Variants in DAB1 observed in about 807,000 individuals in gnomAD.
DAB1 encodes the protein DAB adaptor protein 1.
DAB1 carries 15 observed loss-of-function variants against 64.6 expected under a neutral mutation model. The ratio of observed to expected loss-of-function variants is 0.23; its 90% confidence interval spans 0.16 to 0.36. The LOEUF (loss-of-function observed/expected upper bound fraction) is 0.36, where lower values mean the gene tolerates loss of function less well. Among genes scored for constraint, DAB1 ranks in the 10% least tolerant of loss-of-function variants. The probability of loss-of-function intolerance (pLI) is 1.00; values close to 1 mark genes in which losing one functional copy is unlikely to be tolerated. For missense variants in DAB1, 596 were observed against 706.7 expected (o/e 0.84, Z 1.78); for synonymous variants, 235 against 251.9 (o/e 0.93, Z 0.64).
chr1:58,127,251 T>C (rs1159975122), intron 5 of DAB1, among the ~76,000 whole-genome samples: 1 of 152,248 alleles, frequency 6.6e-6, no homozygotes, highest in African/African-American at 2.4e-5. Context: ...GCTGCATAAA[T>C]GTCTTCTTTT....
intron 3 of DAB1, among the ~76,000 whole-genome samples, chr1:58,428,807 T>C (rs1217912703): frequency 6.6e-6 from 1 of 152,340 alleles, no homozygotes; most frequent in East Asian, 1.9e-4. Flanking sequence ...TTTGAAATTA[T>C]CCATAATTTT....
rs560248228 is a variant in DAB1, at chr1:58,330,288, C to A, written n.309+13064G>T. Among the ~76,000 whole-genome samples the A allele has an allele frequency of 3.3e-5, 5 of 152,340 alleles. No individual in the cohort carries two copies. In the South Asian group the frequency reaches 1.0e-3, roughly 32 times the overall value. On this transcript the variant is annotated intron_variant and non_coding_transcript_variant, in intron 4 of 20. Coordinates refer to the DAB1 transcript ENST00000485760. ...GCAAAGCCCCAACTCTTCCTCAATTCTATGAAGGCTGAAAGAAGTAACGAA... is the reference window on the plus strand; with the variant it reads ...GCAAAGCCCCAACTCTTCCTCAATTATATGAAGGCTGAAAGAAGTAACGAA...
intron 5 of DAB1, among the ~76,000 whole-genome samples, chr1:58,040,682 T>C (rs974499634): frequency 6.6e-6 from 1 of 152,204 alleles, no homozygotes; most frequent in African/African-American, 2.4e-5. Context: ...ATACCACATG[T>C]CTAAATAGAA....
At chr1:58,258,602 T>C (rs1266629593) in intron 4 of DAB1, among the ~76,000 whole-genome samples, 3 of 152,190 alleles carry the variant, frequency 2.0e-5, no homozygotes, top group African/African-American at 7.2e-5. Context: ...GAGAACTCTC[T>C]GCAAAACTGG....
chr1:57,771,724 TATA>T (rs1171895212), intron 6 of DAB1, among the ~76,000 whole-genome samples: 1 of 152,054 alleles, frequency 6.6e-6, no homozygotes, highest in Non-Finnish European at 1.5e-5. Flanking sequence ...CTTCTTTTAT[TATA>T]ATGTTTTCAG....
At chr1:58,142,568 A>C (rs867920411) in intron 5 of DAB1, among the ~76,000 whole-genome samples, 19 of 152,248 alleles carry the variant, frequency 1.2e-4, no homozygotes, top group African/African-American at 4.3e-4. Flanking sequence ...ATACAAAGTG[A>C]AAGGAGATTT....
chr1:57,825,725 A>C (rs1181097204), downstream of DAB1, among the ~76,000 whole-genome samples: 1 of 152,164 alleles, frequency 6.6e-6, no homozygotes, highest in Non-Finnish European at 1.5e-5. Context: ...AAATAAGATA[A>C]ATTTTCTTAT....
At chr1:58,191,717 G>A (rs1657398174) in intron 4 of DAB1, among the ~76,000 whole-genome samples, 2 of 152,138 alleles carry the variant, frequency 1.3e-5, no homozygotes, top group East Asian at 1.9e-4. Context: ...GACACCCACC[G>A]GCTGCTGTAG....
intron 6 of DAB1, among the ~76,000 whole-genome samples, chr1:57,688,995 T>TA (rs1216056600): frequency 2.0e-5 from 3 of 152,122 alleles, no homozygotes; most frequent in Non-Finnish European, 4.4e-5. Flanking sequence ...ATGGGATCCA[T>TA]ACCCAAATCT....
chr1:57,151,830 T>C (rs1414083659), intron 2 of DAB1, among the ~76,000 whole-genome samples: 2 of 148,038 alleles, frequency 1.4e-5, no homozygotes, highest in Non-Finnish European at 3.0e-5. Context: ...TTTTTTTTTT[T>C]TGAGACACAG....
At chr1:57,075,293 T>G (rs1458787345) in intron 4 of DAB1, among the ~76,000 whole-genome samples, 2 of 152,332 alleles carry the variant, frequency 1.3e-5, no homozygotes, top group African/African-American at 4.8e-5. Context: ...CCTCATTAAG[T>G]GTTTTAAAAT....
At chr1:57,548,324 G>A (rs1376817222) in intron 7 of DAB1, among the ~76,000 whole-genome samples, 1 of 152,132 alleles carries the variant, frequency 6.6e-6, no homozygotes, top group South Asian at 2.1e-4. Flanking sequence ...AATTGCTCAA[G>A]GTCACACACC....
chr1:57,421,687 G>A (rs1684897999), intron 1 of DAB1, among the ~76,000 whole-genome samples: 1 of 152,042 alleles, frequency 6.6e-6, no homozygotes, highest in African/African-American at 2.4e-5. Context: ...CGCTTCAAAA[G>A]ACATTTCTGC....
chr1:58,050,306 G>T (rs1647556151), intron 5 of DAB1, among the ~76,000 whole-genome samples: 1 of 152,138 alleles, frequency 6.6e-6, no homozygotes, highest in Non-Finnish European at 1.5e-5. Flanking sequence ...TTAAACAGGA[G>T]AGTAATATTA....
intron 5 of DAB1, among the ~76,000 whole-genome samples, chr1:58,053,121 C>T (rs1207826522): frequency 6.6e-6 from 1 of 152,180 alleles, no homozygotes; most frequent in East Asian, 1.9e-4. Flanking sequence ...AGGGATCCAC[C>T]CCCATGGCCC....
chr1:57,142,790 A>G (rs573208058), intron 3 of DAB1, among the ~76,000 whole-genome samples: 2 of 152,184 alleles, frequency 1.3e-5, no homozygotes, highest in African/African-American at 2.4e-5. Context: ...GTGCTGTGTG[A>G]CCGATCCTGG....
At chr1:57,431,983 G>A (rs1229518914) in intron 7 of DAB1, among the ~76,000 whole-genome samples, 1 of 152,084 alleles carries the variant, frequency 6.6e-6, no homozygotes, top group African/African-American at 2.4e-5. Context: ...TTAGCTGAGT[G>A]TGATGGTGTG....
At chr1:57,049,299 A>G (rs1307352732) in intron 9 of DAB1, among the ~76,000 whole-genome samples, 2 of 151,468 alleles carry the variant, frequency 1.3e-5, no homozygotes, top group Non-Finnish European at 2.9e-5. Context: ...AATACAAAAA[A>G]AATTAGCTGG....
In DAB1 at chr1:57,619,907, G is replaced by A. The variant is rs117438810; in HGVS notation, n.625+29685C>T. 9.7e-4 allele frequency among the ~76,000 whole-genome samples: 147 copies of A among 152,192 alleles called. 1 individual carries two copies. The East Asian group carries it at 0.013, about 14-fold the overall frequency. On this transcript the variant is annotated intron_variant and non_coding_transcript_variant, in intron 7 of 20. Transcript: ENST00000485760. ...CTCTGACCAAGGGCTGAGCAGGCAT[G>A]AATACCACCTGAGACGCAGAACAGG... is the stretch of plus-strand genomic sequence containing the variant.
Sources: allele counts gnomAD v4.1 joint callset (sites outside exome capture counted in the v4.1 genomes callset), GRCh38; gene constraint gnomAD v4.1.1; transcripts MANE v1.5; gene names NCBI Gene and HGNC (gene_info 2026-07-23, HGNC 2026-07-21).